The following ZCCHC4 variants were observed in gnomAD, a reference collection of about 807,000 sequenced individuals.
The protein encoded by ZCCHC4 is zinc finger CCHC-type containing 4, also known as rRNA N(6)-adenosine-methyltransferase ZCCHC4.
ZCCHC4 carries 54 observed loss-of-function variants against 67.7 expected under a neutral mutation model. That is an observed-to-expected ratio of 0.80 (90% CI 0.64 to 1.00). The LOEUF (loss-of-function observed/expected upper bound fraction) is 1.00, where lower values mean the gene tolerates loss of function less well. ZCCHC4 is among the 50% of genes least tolerant of loss of function. The pLI, the probability that ZCCHC4 is intolerant of heterozygous loss-of-function variation, is 0.00. For missense variants in ZCCHC4, 609 were observed against 617.0 expected, an observed-to-expected ratio of 0.99 and a Z score of 0.14; for synonymous variants, 198 against 213.5, an observed-to-expected ratio of 0.93 and a Z score of 0.63.
intron 8 of ZCCHC4, among the ~76,000 whole-genome samples, chr4:25,358,353 CAG>C (rs1305026067): frequency 6.6e-6 from 1 of 152,160 alleles, no homozygotes; most frequent in Non-Finnish European, 1.5e-5. Context: ...TAAGATGACA[CAG>C]AGCAAATTTC....
chr4:25,318,513 C>A (rs1718400839), intron 3 of ZCCHC4, among the ~76,000 whole-genome samples: 1 of 151,792 alleles, frequency 6.6e-6, no homozygotes, highest in Non-Finnish European at 1.5e-5. Flanking sequence ...TGCCACCATG[C>A]CCAGCTAATT....
chr4:25,334,070 T>C, intron 5 of ZCCHC4, 82 bp downstream of exon 5: 1 of 872,072 alleles, frequency 1.1e-6, no homozygotes, highest in African/African-American at 1.7e-5. Flanking sequence ...GTTTATACTC[T>C]GTTACAACTC....
intron 10 of ZCCHC4, among the ~76,000 whole-genome samples, chr4:25,363,969 T>C (rs1001247149): frequency 1.3e-5 from 2 of 152,244 alleles, no homozygotes; most frequent in African/African-American, 4.8e-5. Flanking sequence ...TTTACAATAC[T>C]CATTAAATTG....
At chr4:25,357,548 G>A (rs1215759937) in intron 8 of ZCCHC4, among the ~76,000 whole-genome samples, 2 of 152,150 alleles carry the variant, frequency 1.3e-5, no homozygotes, top group Admixed American at 1.3e-4. Flanking sequence ...TCCCACTGCT[G>A]AAGCTTACCC....
intron 5 of ZCCHC4, among the ~76,000 whole-genome samples, chr4:25,341,125 C>CT (rs1282797130): frequency 6.6e-6 from 1 of 152,072 alleles, no homozygotes; most frequent in African/African-American, 2.4e-5. Flanking sequence ...ATAACATTTT[C>CT]TTTTCTCTAG....
intron 4 of ZCCHC4, 42 bp downstream of exon 4, chr4:25,333,500 A>G (rs775262815): frequency 1.5e-5 from 24 of 1,594,888 alleles, no homozygotes; most frequent in African/African-American, 4.0e-5. Context: ...TCTCACCACT[A>G]TTGAAACTGT....
intron 8 of ZCCHC4, among the ~76,000 whole-genome samples, chr4:25,360,581 T>A (rs1446551415): frequency 2.6e-5 from 4 of 152,218 alleles, no homozygotes; most frequent in Non-Finnish European, 5.9e-5. Context: ...TGTTCATGGA[T>A]AACAATCCCC....
chr4:25,354,093 C>T (rs1720419854), intron 8 of ZCCHC4, among the ~76,000 whole-genome samples: 1 of 152,158 alleles, frequency 6.6e-6, no homozygotes, highest in Non-Finnish European at 1.5e-5. Flanking sequence ...AAAACTGTTA[C>T]ATCCATATTT....
chr4:25,368,784 G>C (rs578092179), intron 12 of ZCCHC4, among the ~76,000 whole-genome samples: 121 of 152,276 alleles, frequency 7.9e-4, no homozygotes, highest in African/African-American at 2.8e-3. Context: ...GCCCCGGACA[G>C]CTTGTTCTAA....
intron 6 of ZCCHC4, among the ~76,000 whole-genome samples, chr4:25,347,223 G>A (rs1264963572): frequency 6.6e-6 from 1 of 152,124 alleles, no homozygotes; most frequent in Non-Finnish European, 1.5e-5. Context: ...CCATACTATG[G>A]TTTTGCTTTT....
At chr4:25,360,533 A>C (rs1320979518) in intron 8 of ZCCHC4, among the ~76,000 whole-genome samples, 1 of 152,236 alleles carries the variant, frequency 6.6e-6, no homozygotes, top group Non-Finnish European at 1.5e-5. Flanking sequence ...CAGGCTACAG[A>C]CATTGTGCAT....
intron 8 of ZCCHC4, among the ~76,000 whole-genome samples, chr4:25,360,950 T>C (rs1283921446): frequency 6.6e-6 from 1 of 152,178 alleles, no homozygotes; most frequent in Non-Finnish European, 1.5e-5. Context: ...TGGATGGTGA[T>C]CACCAAGGAG....
intron 5 of ZCCHC4, among the ~76,000 whole-genome samples, chr4:25,339,835 A>G (rs559194746): frequency 9.0e-4 from 135 of 150,258 alleles, no homozygotes; most frequent in Non-Finnish European, 1.8e-3. Context: ...GAGTTTTATA[A>G]TTTTTGCTTT....
intron 8 of ZCCHC4, among the ~76,000 whole-genome samples, chr4:25,353,532 A>C (rs1226022358): frequency 2.6e-5 from 4 of 152,262 alleles, no homozygotes; most frequent in Non-Finnish European, 5.9e-5. Flanking sequence ...TAACTACGTA[A>C]ACGGGTTCTA....
At chr4:25,362,398 G>A in intron 10 of ZCCHC4, 97 bp downstream of exon 10, 2 of 736,114 alleles carry the variant, frequency 2.7e-6, no homozygotes, top group Non-Finnish European at 4.1e-6. Flanking sequence ...TTGTTAATAG[G>A]ATTTGTATTA....
chr4:25,360,630 G>A (rs1217385976), intron 8 of ZCCHC4, among the ~76,000 whole-genome samples: 1 of 152,192 alleles, frequency 6.6e-6, no homozygotes, highest in African/African-American at 2.4e-5. Flanking sequence ...TGGCAAAGTG[G>A]GGCACCTACT....
rs2109064729 is a variant in ZCCHC4 at position 25,333,354 on chromosome 4, GAAGAC to G, written c.504_508del (p.Thr169CysfsTer7). The G allele has an allele frequency of 6.2e-7, 1 of 1,614,124 alleles. No individual in the cohort carries two copies. Among genetic ancestry groups the G allele is most frequent in the East Asian group, 2.2e-5 (1 of 44,868 alleles). ...AACTCCTTTATCCACTGGAAAACAA[GAAGAC>G]AAATGCCCAGTATCTGTTTGCTGAT... On this transcript the variant is annotated frameshift_variant, in exon 4 of 13. Transcript: ENST00000302874. LOFTEE classifies it high-confidence loss of function.
intron 3 of ZCCHC4, 59 bp downstream of exon 3, chr4:25,315,459 C>A: frequency 7.7e-7 from 1 of 1,294,108 alleles, no homozygotes; most frequent in Non-Finnish European, 1.1e-6. Context: ...TTGTTATTGC[C>A]TTTTTCTGTG....
At chr4:25,344,336 A>G (rs1719893160) in intron 5 of ZCCHC4, among the ~76,000 whole-genome samples, 1 of 151,800 alleles carries the variant, frequency 6.6e-6, no homozygotes, top group African/African-American at 2.4e-5. Context: ...GAAATTGGAA[A>G]TCATTCTCAG....
Sources: allele counts gnomAD v4.1 joint callset (sites outside exome capture counted in the v4.1 genomes callset), GRCh38; gene constraint gnomAD v4.1.1; transcripts MANE v1.5; gene names NCBI Gene and HGNC (gene_info 2026-07-23, HGNC 2026-07-21).